CD4: variants seen among roughly 807,000 people sequenced by gnomAD.
CD4 encodes CD4 molecule, also known as T-cell surface glycoprotein CD4.
Under a neutral mutation model 50.5 loss-of-function variants are expected in CD4, and 25 were observed. The observed-to-expected ratio is 0.49, with a 90% CI of 0.36 to 0.69. The LOEUF (loss-of-function observed/expected upper bound fraction) is 0.69, where lower values mean the gene tolerates loss of function less well. CD4 is among the 30% of genes least tolerant of loss of function. The probability of loss-of-function intolerance (pLI) is 0.00; values close to 1 mark genes in which losing one functional copy is unlikely to be tolerated. For synonymous variants in CD4, 207 were observed against 221.9 expected (o/e 0.93, Z 0.60); for missense variants, 456 against 548.5 (o/e 0.83, Z 1.68).
intron 3 of CD4, among the ~76,000 whole-genome samples, chr12:6,806,914 T>C (rs1942778025): frequency 6.6e-6 from 1 of 152,204 alleles, no homozygotes; most frequent in Middle Eastern, 3.2e-3. Flanking sequence ...ACGCCTGTAA[T>C]CCCAGCACTT....
chr12:6,796,379 G>A lies in CD4; in HGVS notation c.-67-3693G>A, dbSNP rs1942377658. ...CTGGGGGAAAGAAGGACCAAGCTTG[G>A]AAGACAGAGTAAGTCTGGAGGCAAG... On this transcript the variant is annotated intron_variant, in intron 1 of 9. Coordinates refer to ENST00000011653, the MANE Select transcript of CD4 (RefSeq NM_000616.5). Among the ~76,000 whole-genome samples, 3 of 152,320 alleles carry A rather than the reference G, an allele frequency of 2.0e-5. No individual in the cohort carries two copies. In the South Asian group the frequency reaches 6.2e-4, roughly 32 times the overall value.
chr12:6,801,815 C>A (rs1942568159), intron 3 of CD4, among the ~76,000 whole-genome samples: 1 of 151,092 alleles, frequency 6.6e-6, no homozygotes, highest in Admixed American at 6.6e-5. Flanking sequence ...CCTCCTTGGC[C>A]TCCCAAAGTG....
At chr12:6,791,193 C>T (rs577816819) in intron 1 of CD4, among the ~76,000 whole-genome samples, 21 of 152,310 alleles carry the variant, frequency 1.4e-4, no homozygotes, top group East Asian at 3.9e-4. Context: ...GCCGTAATGG[C>T]GGGGTGGTGC....
intron 3 of CD4, among the ~76,000 whole-genome samples, chr12:6,811,471 TTC>T (rs782463953): frequency 6.8e-6 from 1 of 147,176 alleles, no homozygotes; most frequent in African/African-American, 2.6e-5. Flanking sequence ...ATTTTTTCTT[TTC>T]TTTTTTCTTT....
At chr12:6,802,711 A>G (rs925656925) in intron 3 of CD4, among the ~76,000 whole-genome samples, 1 of 152,116 alleles carries the variant, frequency 6.6e-6, no homozygotes, top group Non-Finnish European at 1.5e-5. Flanking sequence ...CTTAAGTTAT[A>G]TCATAATGAG....
intron 1 of CD4, 111 bp from the exon 2 acceptor site, chr12:6,799,961 C>T: frequency 1.6e-6 from 1 of 611,646 alleles, no homozygotes; most frequent in Non-Finnish European, 2.9e-6. Flanking sequence ...ATTCTCCTGC[C>T]TCAAGTTCAC....
rs970565718 is a variant in CD4, at chr12:6,798,478, A to G, written c.-67-1594A>G. Among the ~76,000 whole-genome samples, 19 of 151,696 alleles carry G rather than the reference A, an allele frequency of 1.3e-4. 2 individuals are homozygous for G. Among genetic ancestry groups the G allele is most frequent in the African/African-American group, 2.7e-4 (11 of 41,268 alleles). ...TGAGGCAAGAACTTTTTAAAAGTGC[A>G]TCTTGCGCAGCCCTAGATCCATTAA... On this transcript the variant is annotated intron_variant, in intron 1 of 9. Coordinates refer to ENST00000011653, the MANE Select transcript of CD4 (RefSeq NM_000616.5).
intron 3 of CD4, among the ~76,000 whole-genome samples, chr12:6,808,450 CA>C (rs3032789): frequency 0.012 from 444 of 37,550 alleles, no homozygotes; most frequent in Non-Finnish European, 0.024. Flanking sequence ...GATTCTGTCT[CA>C]AAAAAAAAAA....
chr12:6,801,562 T>A (rs1269707162), intron 3 of CD4, among the ~76,000 whole-genome samples: 2 of 140,908 alleles, frequency 1.4e-5, no homozygotes, highest in African/African-American at 6.4e-5. Flanking sequence ...ATTATTAGTT[T>A]ATTTATTTAT....
intron 5 of CD4, among the ~76,000 whole-genome samples, chr12:6,815,241 G>A (rs147299160): frequency 1.1e-4 from 16 of 152,250 alleles, no homozygotes; most frequent in African/African-American, 3.9e-4. Flanking sequence ...AAGGATGCTA[G>A]AGGCCCGAGT....
intron 5 of CD4, among the ~76,000 whole-genome samples, chr12:6,815,521 T>C (rs1315575070): frequency 6.6e-6 from 1 of 152,186 alleles, no homozygotes; most frequent in Admixed American, 6.5e-5. Flanking sequence ...TGTACGCTGA[T>C]TGAAATCCTG....
chr12:6,809,726 C>T (rs1942880259), intron 3 of CD4, among the ~76,000 whole-genome samples: 1 of 152,062 alleles, frequency 6.6e-6, no homozygotes, highest in South Asian at 2.1e-4. Context: ...GCCTAGAAGC[C>T]TCTGCAGGAC....
At chr12:6,805,957 A>C (rs1555116081) in intron 3 of CD4, among the ~76,000 whole-genome samples, 3 of 151,970 alleles carry the variant, frequency 2.0e-5, no homozygotes, top group Non-Finnish European at 4.4e-5. Context: ...CTGTCTCAAA[A>C]ACAAAAACAA....
At position 6,798,262 on chromosome 12, in the gene CD4, C is replaced by T. The variant is rs573751817; in HGVS notation, c.-67-1810C>T. ...TCGGCTCACTGCCACCTCTGCCTCCCGGGTTCACGCCATTCTCCTGCCTCA... is the reference window on the plus strand; with the variant it reads ...TCGGCTCACTGCCACCTCTGCCTCCTGGGTTCACGCCATTCTCCTGCCTCA... On this transcript the variant is annotated intron_variant, in intron 1 of 9. Transcript: ENST00000011653. 3.7e-5 allele frequency among the ~76,000 whole-genome samples: 5 copies of T among 135,596 alleles called. 2 individuals are homozygous for T. Among genetic ancestry groups the T allele is most frequent in the Non-Finnish European group, 3.3e-5 (2 of 59,804 alleles). 89.0% of individuals were successfully genotyped at this position (135,596 alleles called of 152,430 possible).
chr12:6,801,072 A>AT (rs1591547891), intron 3 of CD4, among the ~76,000 whole-genome samples: 1 of 151,470 alleles, frequency 6.6e-6, no homozygotes, highest in Non-Finnish European at 1.5e-5. Flanking sequence ...TGCCAGGCTA[A>AT]TTTTTGTATT....
rs78487361 is a variant in CD4 at position 6,804,437 on chromosome 12, A to G, written c.214+3966A>G. The stretch of plus-strand genomic sequence containing the variant: ...CATGATTACATAGAAAATCTCAAAG[A>G]ATCTGTAAGAAACTTCTTAGAATTA... On this transcript the variant is annotated intron_variant, in intron 3 of 9. Coordinates refer to ENST00000011653, the MANE Select transcript of CD4 (RefSeq NM_000616.5). Among the ~76,000 whole-genome samples the G allele has an allele frequency of 5.6e-3, 852 of 152,360 alleles. 7 individuals carry two copies. Among genetic ancestry groups the G allele is most frequent in the African/African-American group, 0.019 (802 of 41,586 alleles).
chr12:6,796,197 T>G (rs909601255), intron 1 of CD4, among the ~76,000 whole-genome samples: 6 of 152,184 alleles, frequency 3.9e-5, no homozygotes, highest in African/African-American at 1.4e-4. Flanking sequence ...GACTGTCATC[T>G]CTGTCCTCAA....
In CD4 at chr12:6,819,685, G is replaced by T; in HGVS notation, c.*356G>T. Reference sequence around the variant, plus strand: ...GTGAGGCTGGGTGTCTGGAAGCATGGAGCATGGGACTGTTCTTTTACAAGA... The same window carrying T: ...GTGAGGCTGGGTGTCTGGAAGCATGTAGCATGGGACTGTTCTTTTACAAGA... On this transcript the variant is annotated 3_prime_UTR_variant, in exon 10 of 10. Transcript: ENST00000011653. 3.1e-6 allele frequency: 1 copy of T among 318,958 alleles called. No individual in the cohort carries two copies. Among genetic ancestry groups the T allele is most frequent in the South Asian group, 3.6e-5 (1 of 27,454 alleles). The allele number at this position is 318,958 out of a possible 1,614,324, so 19.8% of individuals were successfully genotyped here. A position where few individuals can be genotyped will look rare whatever the true frequency, so the allele number is the denominator to read the frequency against.
chr12:6,812,032 G>A (rs1372739303), intron 3 of CD4, among the ~76,000 whole-genome samples: 1 of 152,028 alleles, frequency 6.6e-6, no homozygotes, highest in Non-Finnish European at 1.5e-5. Context: ...TGCCTAGGTT[G>A]GTCCCAGACT....
Sources: allele counts gnomAD v4.1 joint callset (sites outside exome capture counted in the v4.1 genomes callset), GRCh38; gene constraint gnomAD v4.1.1; transcripts MANE v1.5; gene names NCBI Gene and HGNC (gene_info 2026-07-23, HGNC 2026-07-21).